The following DNAJC1 variants were observed in gnomAD, a reference collection of about 807,000 sequenced individuals.
DNAJC1 encodes the protein DnaJ heat shock protein family (Hsp40) member C1.
In DNAJC1, 58 loss-of-function variants were observed where a neutral mutation model predicts 76.6. That is an observed-to-expected ratio of 0.76 (90% CI 0.61 to 0.94). The LOEUF (loss-of-function observed/expected upper bound fraction) is 0.94, where lower values mean the gene tolerates loss of function less well. Among genes scored for constraint, DNAJC1 ranks in the 40% least tolerant of loss-of-function variants. DNAJC1 has a pLI of 0.00. For missense variants in DNAJC1, 689 were observed against 677.3 expected (o/e 1.02, Z -0.19); for synonymous variants, 258 against 267.9 (o/e 0.96, Z 0.36).
intron 4 of DNAJC1, among the ~76,000 whole-genome samples, chr10:21,920,229 C>T (rs1837019126): frequency 6.6e-6 from 1 of 151,982 alleles, no homozygotes; most frequent in Admixed American, 6.6e-5. Flanking sequence ...TTAATAATGT[C>T]ACTTCAAAAG....
chr10:21,971,535 A>T (rs2131828636), intron 1 of DNAJC1, among the ~76,000 whole-genome samples: 1 of 152,000 alleles, frequency 6.6e-6, no homozygotes, highest in African/African-American at 2.4e-5. Flanking sequence ...AGAATAAATG[A>T]TACATGAAAA....
chr10:22,002,335 CCTTCGCACAAGG>C (rs1838531865), intron 1 of DNAJC1, among the ~76,000 whole-genome samples: 2 of 152,198 alleles, frequency 1.3e-5, no homozygotes, highest in Non-Finnish European at 2.9e-5. Flanking sequence ...GTTATCTTCT[CCTTCGCACAAGG>C]CTTCAGGTAG....
At chr10:21,806,337 AG>A (rs1834883468) in intron 8 of DNAJC1, among the ~76,000 whole-genome samples, 1 of 152,186 alleles carries the variant, frequency 6.6e-6, no homozygotes, top group South Asian at 2.1e-4. Flanking sequence ...ATACTAACTA[AG>A]AAAGCATAAA....
At chr10:21,829,227 T>TG (rs1835314864) in intron 8 of DNAJC1, among the ~76,000 whole-genome samples, 2 of 151,768 alleles carry the variant, frequency 1.3e-5, no homozygotes, top group Non-Finnish European at 2.9e-5. Flanking sequence ...TTTTGTTTTT[T>TG]TTTTTGAGAT....
chr10:21,897,402 G>A (rs935616290), intron 7 of DNAJC1, among the ~76,000 whole-genome samples: 1 of 152,086 alleles, frequency 6.6e-6, no homozygotes, highest in Non-Finnish European at 1.5e-5. Flanking sequence ...ACCCCGTCAT[G>A]ATTTTAAAAA....
intron 8 of DNAJC1, among the ~76,000 whole-genome samples, chr10:21,851,464 CCA>C (rs985609148): frequency 3.3e-5 from 5 of 152,160 alleles, no homozygotes; most frequent in Non-Finnish European, 7.4e-5. Flanking sequence ...ACAATCACAA[CCA>C]CAACAAAAGT....
intron 8 of DNAJC1, among the ~76,000 whole-genome samples, chr10:21,835,050 C>T (rs991352516): frequency 1.3e-5 from 2 of 152,176 alleles, no homozygotes; most frequent in Non-Finnish European, 2.9e-5. Flanking sequence ...CCCTGATCCC[C>T]GAGAAGCCTG....
chr10:21,898,614 G>A (rs563422537), intron 7 of DNAJC1, among the ~76,000 whole-genome samples: 16 of 149,714 alleles, frequency 1.1e-4, no homozygotes, highest in African/African-American at 3.5e-4. Flanking sequence ...GTGCAATGGC[G>A]CGATCTTGGC....
chr10:21,959,008 G>A (rs1056993528), intron 1 of DNAJC1, among the ~76,000 whole-genome samples: 3 of 151,876 alleles, frequency 2.0e-5, no homozygotes, highest in African/African-American at 7.3e-5. Flanking sequence ...TCAACAGCCC[G>A]GTTTCTCAGT....
intron 7 of DNAJC1, among the ~76,000 whole-genome samples, chr10:21,896,506 A>G (rs1590038193): frequency 6.6e-6 from 1 of 152,158 alleles, no homozygotes; most frequent in South Asian, 2.1e-4. Context: ...TCCCATCATT[A>G]TAATGTGGAA....
intron 1 of DNAJC1, among the ~76,000 whole-genome samples, chr10:21,967,724 G>T (rs927097258): frequency 1.4e-5 from 2 of 144,152 alleles, no homozygotes; most frequent in Admixed American, 1.4e-4. Flanking sequence ...GGTGAGGCAG[G>T]TCAACACATA....
intron 6 of DNAJC1, among the ~76,000 whole-genome samples, chr10:21,908,493 G>GGT (rs930783825): frequency 6.7e-6 from 1 of 148,722 alleles, no homozygotes; most frequent in Non-Finnish European, 1.5e-5. Context: ...TTTTCATGGG[G>GGT]GGGGGGTGAA....
At chr10:21,854,825 G>T (rs531483941) in intron 8 of DNAJC1, among the ~76,000 whole-genome samples, 3 of 152,026 alleles carry the variant, frequency 2.0e-5, no homozygotes, top group Non-Finnish European at 2.9e-5. Context: ...AAAATTGATT[G>T]TAAACTGTTT....
At chr10:21,966,092 T>C (rs907293379) in intron 1 of DNAJC1, among the ~76,000 whole-genome samples, 1 of 152,200 alleles carries the variant, frequency 6.6e-6, no homozygotes, top group Non-Finnish European at 1.5e-5. Context: ...AAATGTCCCA[T>C]AGTTTGGGTT....
intron 8 of DNAJC1, among the ~76,000 whole-genome samples, chr10:21,833,970 G>T (rs542016954): frequency 5.3e-5 from 8 of 152,204 alleles, no homozygotes; most frequent in African/African-American, 1.7e-4. Flanking sequence ...CTTTATGAAA[G>T]AGGGGTTCCC....
At chr10:21,993,214 T>G (rs1838355691) in intron 1 of DNAJC1, among the ~76,000 whole-genome samples, 1 of 152,122 alleles carries the variant, frequency 6.6e-6, no homozygotes, top group Admixed American at 6.5e-5. Flanking sequence ...TATACACACA[T>G]AAGTATATAA....
chr10:21,882,729 G>GAGCTT (rs1371923104), intron 7 of DNAJC1, among the ~76,000 whole-genome samples: 1 of 152,040 alleles, frequency 6.6e-6, no homozygotes, highest in Non-Finnish European at 1.5e-5. Flanking sequence ...ACAATAAAAA[G>GAGCTT]AGCTTCAATT....
chr10:21,943,214 A>G (rs1837448000), intron 1 of DNAJC1, among the ~76,000 whole-genome samples: 1 of 152,232 alleles, frequency 6.6e-6, no homozygotes, highest in Admixed American at 6.5e-5. Context: ...AAAACAGAAA[A>G]AGAACAATTA....
At chr10:21,931,070 C>T (rs1837213711) in intron 1 of DNAJC1, among the ~76,000 whole-genome samples, 1 of 152,156 alleles carries the variant, frequency 6.6e-6, no homozygotes, top group Non-Finnish European at 1.5e-5. Flanking sequence ...ATTTTTCTGC[C>T]ACCATATGTA....
Sources: gnomAD v4.1 joint callset for allele counts (sites outside exome capture counted in the v4.1 genomes callset) on GRCh38, gnomAD v4.1.1 for gene constraint, MANE v1.5 for transcripts, NCBI Gene and HGNC (gene_info 2026-07-23, HGNC 2026-07-21) for gene names.